Variants in TIMM50 observed in about 807,000 individuals in gnomAD.
TIMM50 encodes translocase of inner mitochondrial membrane 50, also known as mitochondrial import inner membrane translocase subunit TIM50.
TIMM50 carries 34 observed loss-of-function variants against 49.6 expected under a neutral mutation model. The observed-to-expected ratio is 0.69, with a 90% confidence interval of 0.52 to 0.91. The LOEUF (loss-of-function observed/expected upper bound fraction) is 0.91, where lower values mean the gene tolerates loss of function less well. Among genes scored for constraint, TIMM50 ranks in the 40% least tolerant of loss-of-function variants. The pLI is 0.00. For missense variants in TIMM50, 458 were observed against 477.8 expected, an observed-to-expected ratio of 0.96 and a Z score of 0.39; for synonymous variants, 199 against 198.4, an observed-to-expected ratio of 1.00 and a Z score of -0.03.
rs770252256 is a variant in TIMM50, at chr19:39,486,398, C to T, written c.599C>T (p.Thr200Ile). 42 of 1,614,060 alleles carry T rather than the reference C, an allele frequency of 2.6e-5. No individual in the cohort carries two copies. The highest frequency in any genetic ancestry group is 8.3e-5 in the Admixed American group (5 of 60,008). The change falls in exon 8 of 11, where the codon ACT becomes ATT. Residue 200 changes from threonine to isoleucine, a missense_variant and splice_region_variant. Physicochemically the swap from Thr to Ile is moderately conservative, Grantham distance 89 (BLOSUM62 -1). Coordinates refer to ENST00000607714, the MANE Select transcript of TIMM50 (RefSeq NM_001001563.5). ...IVIFTSETGM[T>I]AFPLIDSVDP... ...TTCTCGCTCCCTTCCCACCCCCAGA[C>T]TGCGTTTCCACTCATTGATAGTGTG...
intron 6 of TIMM50, 115 bp downstream of exon 6, chr19:39,485,922 C>G (rs1165316468): frequency 6.9e-7 from 1 of 1,443,446 alleles, no homozygotes; most frequent in Non-Finnish European, 9.5e-7. Context: ...TGTCACCTGT[C>G]ATTGCCTCGC....
Position 39,492,323 on chromosome 19 carries a change from G to GA in TIMM50, c.*2503_*2504insA, listed in dbSNP as rs1056377632. 11 of 149,572 alleles carry GA rather than the reference G, an allele frequency of 7.4e-5. No homozygotes were observed. In the East Asian group the frequency reaches 8.1e-4, roughly 11 times the overall value. 9.3% of individuals were successfully genotyped at this position (149,572 alleles called of 1,614,324 possible). On this transcript the variant is annotated 3_prime_UTR_variant, in exon 11 of 11. Coordinates refer to ENST00000607714, the MANE Select transcript of TIMM50 (RefSeq NM_001001563.5). The stretch of plus-strand genomic sequence containing the variant: ...GGGAAGAGCCTGTCTCTTGCGGGGG[G>GA]GGGAGAAGAAAGTTCTTGTCTCAGG...
At chr19:39,481,152 T>G (rs952018595) in intron 1 of TIMM50, 191 bp downstream of exon 1, 1 of 728,444 alleles carries the variant, frequency 1.4e-6, no homozygotes, top group Non-Finnish European at 2.1e-6. Context: ...TCCAGGTGTG[T>G]CCTTAGACCC....
At chr19:39,488,491 C>A in intron 9 of TIMM50, 48 bp from the exon 10 acceptor site, 1 of 1,557,786 alleles carries the variant, frequency 6.4e-7, no homozygotes, top group Non-Finnish European at 8.8e-7. Context: ...GCCCTGCCTC[C>A]CTCTGGCCTT....
At position 39,488,609 on chromosome 19, in the gene TIMM50, G is replaced by A. The variant is rs1163523395; in HGVS notation, c.924G>A (p.Leu308=). ...LEHYALEDDP[L]AAFKQRQSRL... is the part of the protein sequence containing the mutation. The stretch of plus-strand genomic sequence containing the variant: ...ACTATGCCCTGGAGGATGACCCGCT[G>A]GCGGCTTTCAAACAGCGGCAAAGCC... The change falls in exon 10 of 11, where the codon CTG becomes CTA. Residue 308 remains leucine, a synonymous_variant. Transcript: ENST00000607714. 1.9e-6 allele frequency: 3 copies of A among 1,613,714 alleles called. No homozygotes were observed. Among genetic ancestry groups the A allele is most frequent in the East Asian group, 4.5e-5 (2 of 44,886 alleles).
intron 4 of TIMM50, among the ~76,000 whole-genome samples, chr19:39,484,736 T>C (rs1216712368): frequency 6.6e-6 from 1 of 152,118 alleles, no homozygotes; most frequent in Non-Finnish European, 1.5e-5. Context: ...AGTGGGCAGA[T>C]CTGGAAGCCT....
rs1457678485 is a variant in TIMM50, at chr19:39,481,813, T to C, written c.109-70T>C. On this transcript the variant is annotated intron_variant, in intron 1 of 10. Coordinates refer to ENST00000607714, the MANE Select transcript of TIMM50 (RefSeq NM_001001563.5). ...TCTTGGCTCCTGAACTTGATTCTTC[T>C]TGGACTGGAGGGTGGGGACCATCCT... is the stretch of plus-strand genomic sequence containing the variant. 7.1e-6 allele frequency: 11 copies of C among 1,550,872 alleles called. No homozygotes were observed. In the African/African-American group the frequency reaches 1.4e-4, roughly 19 times the overall value.
chr19:39,485,323 T>G, intron 4 of TIMM50: 1 of 597,298 alleles, frequency 1.7e-6, no homozygotes, highest in Non-Finnish European at 3.0e-6. Flanking sequence ...TGGGGTAGTA[T>G]GTGGATATAA....
At chr19:39,487,389 C>T (rs1182513063) in intron 8 of TIMM50, among the ~76,000 whole-genome samples, 1 of 152,224 alleles carries the variant, frequency 6.6e-6, no homozygotes, top group Admixed American at 6.5e-5. Context: ...CTTCCCACCT[C>T]AGCCTCCTGA....
rs138193694 is a variant in TIMM50, at chr19:39,483,271, G to T, written c.313+115G>T. ...CCCCTCCTCCTTCCACTGGGGAGGT[G>T]GGGGAGCCAGCAGCTGGATGGCTTT... is the stretch of plus-strand genomic sequence containing the variant. On this transcript the variant is annotated intron_variant, in intron 4 of 10. Coordinates refer to ENST00000607714, the MANE Select transcript of TIMM50 (RefSeq NM_001001563.5). 2,828 of 1,401,364 alleles carry T rather than the reference G, an allele frequency of 2.0e-3. 4 individuals carry two copies. The highest frequency in any genetic ancestry group is 2.5e-3 in the Non-Finnish European group (2,505 of 999,814). The allele number at this position is 1,401,364 out of a possible 1,614,324, so 86.8% of individuals were successfully genotyped here.
Position 39,493,321 on chromosome 19 carries a change from C to T in TIMM50, c.*3501C>T, listed in dbSNP as rs2079560530. 6.6e-6 allele frequency: 1 copy of T among 151,866 alleles called. No individual in the cohort carries two copies. Among genetic ancestry groups the T allele is most frequent in the African/African-American group, 2.4e-5 (1 of 41,304 alleles). 9.4% of individuals were successfully genotyped at this position (151,866 alleles called of 1,614,324 possible). ...CTGGAGTGCAGTGGGGCGATCTCGG[C>T]TCACTGCACCCTGCACCTCCTGGGT... On this transcript the variant is annotated 3_prime_UTR_variant, in exon 11 of 11. Transcript: ENST00000607714.
Position 39,492,881 on chromosome 19 carries a change from A to AAAAAAAC in TIMM50, c.*3067_*3068insCAAAAAA, listed in dbSNP as rs2079556016. 1 of 145,088 alleles carries AAAAAAAC rather than the reference A, an allele frequency of 6.9e-6. No individual in the cohort carries two copies. Among genetic ancestry groups the AAAAAAAC allele is most frequent in the African/African-American group, 2.7e-5 (1 of 37,102 alleles). The allele number at this position is 145,088 out of a possible 1,614,324, so 9.0% of individuals were successfully genotyped here. A position where few individuals can be genotyped will look rare whatever the true frequency, so the allele number is the denominator to read the frequency against. On this transcript the variant is annotated 3_prime_UTR_variant, in exon 11 of 11. Coordinates refer to ENST00000607714, the MANE Select transcript of TIMM50 (RefSeq NM_001001563.5). ...GTAAGGCTCTGTCTCCAAAAAAAAA[A>AAAAAAAC]AAAAAAAAAAACAAAAAAAAAACCA...
rs200065599 is a variant in TIMM50 at position 39,488,125 on chromosome 19, T to A, written c.761T>A (p.Phe254Tyr). Residue 254 changes from phenylalanine to tyrosine, a missense_variant, in exon 9 of 11, where the codon TTC becomes TAC. Phe to Tyr is a conservative substitution (Grantham distance 22). Coordinates refer to ENST00000607714, the MANE Select transcript of TIMM50 (RefSeq NM_001001563.5). ...VVVVDCKKEA[F>Y]RLQPYNGVAL... ...GTTGTGGACTGCAAGAAGGAAGCCT[T>A]CCGCCTGCAGCCCTATAACGGCGTT... 4 of 1,613,912 alleles carry A rather than the reference T, an allele frequency of 2.5e-6. No individual in the cohort carries two copies. Among genetic ancestry groups the A allele is most frequent in the Non-Finnish European group, 3.4e-6 (4 of 1,179,898 alleles).
chr19:39,486,583 AC>A (rs1424835393), intron 8 of TIMM50, 88 bp downstream of exon 8: 138 of 1,223,396 alleles, frequency 1.1e-4, no homozygotes, highest in Non-Finnish European at 8.6e-5. Context: ...CCCTAGCCTC[AC>A]CTGGCTTATG....
intron 2 of TIMM50, among the ~76,000 whole-genome samples, chr19:39,482,414 T>C (rs935181052): frequency 5.3e-5 from 8 of 151,816 alleles, no homozygotes; most frequent in African/African-American, 1.9e-4. Context: ...TCCCAGCACT[T>C]TGGGAGGCCG....
rs145476011 is a variant in TIMM50, at chr19:39,491,886, G to C, written c.*2066G>C. ...TTTTTTTTGGAGTCAGGGTCTCGCT[G>C]TGTCGCCCAGGCTGGAGCACAGTGG... On this transcript the variant is annotated 3_prime_UTR_variant, in exon 11 of 11. Transcript: ENST00000607714. The C allele has an allele frequency of 8.4e-3, 1,237 of 147,874 alleles. 17 individuals carry two copies. Among genetic ancestry groups the C allele is most frequent in the African/African-American group, 0.029 (1,154 of 40,016 alleles). The allele number at this position is 147,874 out of a possible 1,614,324, so 9.2% of individuals were successfully genotyped here. A position where few individuals can be genotyped will look rare whatever the true frequency, so the allele number is the denominator to read the frequency against.
chr19:39,489,877 A>G lies in TIMM50; in HGVS notation c.*57A>G. ...TCCAGGGCCCCAGTGCTTCCAGACC[A>G]AGACTTGGGCCACCACTTGTCCAAT... On this transcript the variant is annotated 3_prime_UTR_variant, in exon 11 of 11. Transcript: ENST00000607714. 5 of 1,501,604 alleles carry G rather than the reference A, an allele frequency of 3.3e-6. No individual in the cohort carries two copies. Among genetic ancestry groups the G allele is most frequent in the Non-Finnish European group, 4.6e-6 (5 of 1,097,082 alleles). 93.0% of individuals were successfully genotyped at this position (1,501,604 alleles called of 1,614,324 possible).
At chr19:39,482,168 A>G (rs1017054914) in intron 2 of TIMM50, 135 bp downstream of exon 2, 10 of 1,119,198 alleles carry the variant, frequency 8.9e-6, no homozygotes, top group Non-Finnish European at 1.1e-5. Flanking sequence ...CAGCCAAATA[A>G]GACACCTACC....
Position 39,486,196 on chromosome 19 carries a change from G to A in TIMM50, c.502G>A (p.Gly168Ser). The stretch of plus-strand genomic sequence containing the variant: ...CTCACTGTCTTCCCAGCTGGCCACT[G>A]GCTGGAGGTTTAAGAAGCGCCCAGG... ...LLHPEWSLAT[G>S]WRFKKRPGIE... Residue 168 changes from glycine (G) to serine (S), a missense_variant, in exon 7 of 11, where the codon GGC becomes AGC. By Grantham distance (56) the Gly-to-Ser change is moderately conservative. Coordinates refer to ENST00000607714, the MANE Select transcript of TIMM50 (RefSeq NM_001001563.5). The A allele has an allele frequency of 3.7e-6, 6 of 1,614,110 alleles. No homozygotes were observed. The highest frequency in any genetic ancestry group is 5.1e-6 in the Non-Finnish European group (6 of 1,180,008).
Sources: allele counts gnomAD v4.1 joint callset (sites outside exome capture counted in the v4.1 genomes callset), GRCh38; gene constraint gnomAD v4.1.1; transcripts MANE v1.5; gene names NCBI Gene and HGNC (gene_info 2026-07-23, HGNC 2026-07-21).